Variants in DENND2B observed in about 807,000 individuals in gnomAD.
The protein encoded by DENND2B is DENN domain containing 2B, also known as DENN domain-containing protein 2B.
Under a neutral mutation model 116.0 loss-of-function variants are expected in DENND2B, and 32 were observed. The observed-to-expected ratio is 0.28, with a 90% CI of 0.21 to 0.37. The LOEUF (loss-of-function observed/expected upper bound fraction) is 0.37, where lower values mean the gene tolerates loss of function less well. DENND2B is among the 10% of genes least tolerant of loss of function. The probability of loss-of-function intolerance (pLI) is 1.00; values close to 1 mark genes in which losing one functional copy is unlikely to be tolerated. For synonymous variants in DENND2B, 588 were observed against 583.9 expected, an observed-to-expected ratio of 1.01 and a Z score of -0.10; for missense variants, 1,276 against 1,477.7, an observed-to-expected ratio of 0.86 and a Z score of 2.24.
intron 3 of DENND2B, among the ~76,000 whole-genome samples, chr11:8,850,417 C>T (rs1237514548): frequency 6.6e-6 from 1 of 151,776 alleles, no homozygotes; most frequent in African/African-American, 2.4e-5. Context: ...AGAAGATATA[C>T]AAATGGCCAA....
At position 8,718,079 on chromosome 11, in the gene DENND2B, A is replaced by C. The variant is rs910976759; in HGVS notation, c.1478-187T>G. On this transcript the variant is annotated intron_variant, in intron 4 of 19. Coordinates refer to ENST00000313726, the MANE Select transcript of DENND2B (RefSeq NM_213618.2). ...AGGCTACAAACAGATCCTGGCTCCA[A>C]GTCCAGAAGCAGACCCACCCCCCCA... The C allele has an allele frequency of 5.8e-6, 3 of 515,814 alleles. No individual in the cohort carries two copies. The South Asian group carries it at 6.3e-5, about 11-fold the overall frequency. 32.0% of individuals were successfully genotyped at this position (515,814 alleles called of 1,614,324 possible).
At chr11:8,729,315 T>C (rs1175592257) in intron 3 of DENND2B, among the ~76,000 whole-genome samples, 1 of 152,104 alleles carries the variant, frequency 6.6e-6, no homozygotes, top group East Asian at 1.9e-4. Flanking sequence ...CCCTTGGTAA[T>C]CTGGGGTTAG....
At chr11:8,823,393 C>A (rs1392964204) in intron 4 of DENND2B, among the ~76,000 whole-genome samples, 1 of 152,158 alleles carries the variant, frequency 6.6e-6, no homozygotes, top group East Asian at 1.9e-4. Context: ...TAGGCACATC[C>A]CATCTGTTTT....
upstream of DENND2B, among the ~76,000 whole-genome samples, chr11:8,813,498 C>T (rs2061464400): frequency 2.0e-5 from 3 of 152,188 alleles, no homozygotes; most frequent in South Asian, 6.2e-4. Flanking sequence ...CCTCCTGATC[C>T]TCAAAATGCA....
chr11:8,816,375 A>G (rs1254022764), intron 4 of DENND2B, among the ~76,000 whole-genome samples: 2 of 152,258 alleles, frequency 1.3e-5, no homozygotes, highest in East Asian at 3.9e-4. Context: ...AGGAAACCCT[A>G]TCTTTACAAA....
At chr11:8,821,856 A>G (rs1472502009) in intron 4 of DENND2B, among the ~76,000 whole-genome samples, 3 of 152,084 alleles carry the variant, frequency 2.0e-5, no homozygotes, top group Admixed American at 6.6e-5. Context: ...GAGTGGCAAG[A>G]TCTTGGCTCA....
intron 2 of DENND2B, among the ~76,000 whole-genome samples, chr11:8,735,005 G>A (rs1292730414): frequency 1.3e-5 from 2 of 150,798 alleles, no homozygotes; most frequent in African/African-American, 4.9e-5. Flanking sequence ...TGTCGGGGCA[G>A]GGGGGCGGGA....
chr11:8,763,636 C>A (rs894901926), intron 1 of DENND2B, among the ~76,000 whole-genome samples: 16 of 149,410 alleles, frequency 1.1e-4, no homozygotes, highest in Non-Finnish European at 2.4e-4. Flanking sequence ...AGAATACATA[C>A]TAGATGAGCC....
intron 1 of DENND2B, among the ~76,000 whole-genome samples, chr11:8,898,619 T>C (rs1205330105): frequency 6.6e-6 from 1 of 152,222 alleles, no homozygotes. Flanking sequence ...GGCCCAATTA[T>C]GGCCTACTGC....
intron 2 of DENND2B, among the ~76,000 whole-genome samples, chr11:8,870,244 A>G (rs2063729455): frequency 6.6e-6 from 1 of 152,234 alleles, no homozygotes; most frequent in African/African-American, 2.4e-5. Context: ...ACTTTCATAT[A>G]AAGATCCCAG....
chr11:8,700,873 G>A (rs2041455051), intron 14 of DENND2B, among the ~76,000 whole-genome samples: 1 of 151,984 alleles, frequency 6.6e-6, no homozygotes, highest in Admixed American at 6.6e-5. Flanking sequence ...CCAGGCTGGA[G>A]TGCAGTGGCA....
At chr11:8,806,634 A>ACACACACACACACACACACACACC (rs1442850134) in intron 1 of DENND2B, among the ~76,000 whole-genome samples, 4 of 151,798 alleles carry the variant, frequency 2.6e-5, no homozygotes, top group South Asian at 2.1e-4. Context: ...ACACACACAC[A>ACACACACACACACACACACACACC]CACACCCAGG....
At chr11:8,750,246 G>A (rs980099965) in intron 2 of DENND2B, among the ~76,000 whole-genome samples, 13 of 152,080 alleles carry the variant, frequency 8.5e-5, no homozygotes, top group African/African-American at 2.4e-4. Context: ...GCTAATATGC[G>A]TAACTGCCTC....
At chr11:8,737,026 A>T (rs1204499560) in intron 2 of DENND2B, among the ~76,000 whole-genome samples, 1 of 152,232 alleles carries the variant, frequency 6.6e-6, no homozygotes, top group African/African-American at 2.4e-5. Context: ...GGGTACTGGT[A>T]GAGACGGATC....
chr11:8,702,698 A>G lies in DENND2B; in HGVS notation c.2594T>C (p.Met865Thr). The G allele has an allele frequency of 6.2e-7, 1 of 1,613,712 alleles. No individual in the cohort carries two copies. The highest frequency in any genetic ancestry group is 8.5e-7 in the Non-Finnish European group (1 of 1,179,970). ...GTCCACGTGCTCCAGCCTTGAGTCCATGGGCCGCCGCAGCTCTAACACCTG... is the reference window on the plus strand; with the variant it reads ...GTCCACGTGCTCCAGCCTTGAGTCCGTGGGCCGCCGCAGCTCTAACACCTG... ...GNEVLELRRP[M>T]DSRLEHVDFE... The change falls in exon 14 of 20, where the codon ATG becomes ACG. Residue 865 changes from methionine to threonine, a missense_variant. Met to Thr is a moderately conservative substitution (Grantham distance 81, BLOSUM62 -1). This residue lies in a region of DENND2B where 420 missense variants were observed against 631.1 expected (regional missense o/e 0.67). Transcript: ENST00000313726. This position sits in a 1 kb window ranked among gnomAD's most constrained non-coding sequence, Gnocchi z 4.6.
rs747981894 is a variant in DENND2B, at chr11:8,717,912, AGAGAAGGGG to A, written c.1478-29_1478-21del. The A allele has an allele frequency of 6.2e-7, 1 of 1,602,150 alleles. No individual in the cohort carries two copies. The highest frequency in any genetic ancestry group is 1.7e-5 in the Admixed American group (1 of 57,926). The stretch of plus-strand genomic sequence containing the variant: ...GATCTCCTGCAGAGGAGGAAGAGTT[AGAGAAGGGG>A]GAGAAGGGAAGAAGGAAACACACGA... On this transcript the variant is annotated intron_variant, in intron 4 of 19. Coordinates refer to ENST00000313726, the MANE Select transcript of DENND2B (RefSeq NM_213618.2).
At chr11:8,840,510 T>A (rs972139638) in intron 3 of DENND2B, among the ~76,000 whole-genome samples, 8 of 152,108 alleles carry the variant, frequency 5.3e-5, no homozygotes, top group African/African-American at 1.7e-4. Flanking sequence ...ACCAACGCAA[T>A]GAACAGCTGC....
rs555465543 is a variant in DENND2B, at chr11:8,897,943, T to A, written c.-256+12878A>T. On this transcript the variant is annotated intron_variant, in intron 1 of 22. Coordinates refer to the DENND2B transcript ENST00000534127. ...GCACCACCATGCCCAGCTAATTTTT[T>A]AAAAATTTCTTGCGAAGACAGGGCC... Among the ~76,000 whole-genome samples the A allele has an allele frequency of 5.3e-5, 8 of 152,210 alleles. No individual in the cohort carries two copies. In the East Asian group the frequency reaches 5.8e-4, roughly 11 times the overall value.
chr11:8,772,715 G>A (rs2057103776), intron 1 of DENND2B, among the ~76,000 whole-genome samples: 1 of 152,118 alleles, frequency 6.6e-6, no homozygotes, highest in African/African-American at 2.4e-5. Context: ...GCCATGACCA[G>A]GGGACACCTG....
Sources: allele counts gnomAD v4.1 joint callset (sites outside exome capture counted in the v4.1 genomes callset), GRCh38; gene constraint gnomAD v4.1.1; regional missense constraint gnomAD v4.1.1; non-coding constraint Gnocchi (gnomAD v3.1); transcripts MANE v1.5; gene names NCBI Gene and HGNC (gene_info 2026-07-23, HGNC 2026-07-21).